Variants in SHISA9 observed in about 807,000 individuals in gnomAD.
SHISA9 encodes protein shisa-9.
SHISA9 carries 13 observed loss-of-function variants against 38.0 expected under a neutral mutation model. The observed-to-expected ratio is 0.34, with a 90% CI of 0.22 to 0.54. The LOEUF is 0.54. Ranked by LOEUF, SHISA9 falls within the 20% of genes least tolerant of loss-of-function variation. The probability of loss-of-function intolerance (pLI) is 0.91; values close to 1 mark genes in which losing one functional copy is unlikely to be tolerated. For missense variants in SHISA9, 538 were observed against 575.8 expected (o/e 0.93, Z 0.67); for synonymous variants, 275 against 242.0 (o/e 1.14, Z -1.27).
chr16:13,007,261 A>G (rs1229984927), intron 2 of SHISA9, among the ~76,000 whole-genome samples: 1 of 152,122 alleles, frequency 6.6e-6, no homozygotes, highest in East Asian at 1.9e-4. Flanking sequence ...CCTGTGTTAT[A>G]AGGCTCAGGA....
At chr16:13,493,823 A>G in the SHISA9 span, among the ~76,000 whole-genome samples, 22 of 152,320 alleles carry the variant, frequency 1.4e-4, no homozygotes, top group South Asian at 1.0e-3. Flanking sequence ...AGGGAAGAAG[A>G]CACAGAAGGT....
chr16:13,052,275 T>C (rs373515932), intron 2 of SHISA9, among the ~76,000 whole-genome samples: 154 of 152,256 alleles, frequency 1.0e-3, no homozygotes, highest in African/African-American at 3.3e-3. Flanking sequence ...AGAGACATTT[T>C]CCCCCCTCCT....
the SHISA9 span, among the ~76,000 whole-genome samples, chr16:13,466,102 C>A: frequency 6.6e-6 from 1 of 152,200 alleles, no homozygotes; most frequent in South Asian, 2.1e-4. Context: ...AAAATTTGTA[C>A]TTCCTGTTCC....
At chr16:13,104,631 T>G (rs1241170838) in intron 2 of SHISA9, among the ~76,000 whole-genome samples, 2 of 152,156 alleles carry the variant, frequency 1.3e-5, no homozygotes, top group Admixed American at 1.3e-4. Flanking sequence ...CCATTATGAA[T>G]TGTCCAGAAA....
In SHISA9 at chr16:12,908,621, G is replaced by A. The variant is rs770024109; in HGVS notation, c.563+5994G>A. 28 of 1,550,962 alleles carry A rather than the reference G, an allele frequency of 1.8e-5. No homozygotes were observed. In the East Asian group the frequency reaches 6.4e-4, roughly 35 times the overall value. Reference sequence around the variant, plus strand: ...GGCCGCTAGGCTGCACTGCGTTTGAGTGCAAACCTGCAGGAATTCCAGACT... The same window carrying A: ...GGCCGCTAGGCTGCACTGCGTTTGAATGCAAACCTGCAGGAATTCCAGACT... On this transcript the variant is annotated intron_variant, in intron 1 of 4. Transcript: ENST00000558583.
intron 2 of SHISA9, among the ~76,000 whole-genome samples, chr16:12,953,409 G>A (rs1567351050): frequency 6.6e-6 from 1 of 152,164 alleles, no homozygotes; most frequent in Non-Finnish European, 1.5e-5. Context: ...GAAAGATGAA[G>A]CTGTTGGCCA....
At chr16:13,521,257 T>G in the SHISA9 span, among the ~76,000 whole-genome samples, 10 of 152,230 alleles carry the variant, frequency 6.6e-5, no homozygotes, top group Non-Finnish European at 1.5e-4. Flanking sequence ...TCTTCTTCCC[T>G]GCTCACCATG....
chr16:13,058,722 A>C (rs58307394), intron 2 of SHISA9, among the ~76,000 whole-genome samples: 23,341 of 151,882 alleles, frequency 0.15, 2,977 homozygotes, highest in African/African-American at 0.35. Context: ...CATGATGGCT[A>C]CATGTCATTG....
the SHISA9 span, among the ~76,000 whole-genome samples, chr16:13,387,428 C>T: frequency 4.6e-5 from 7 of 151,642 alleles, no homozygotes; most frequent in South Asian, 4.2e-4. Context: ...TGCTGCAAGC[C>T]GAGTGATGCC....
chr16:13,032,071 T>C (rs2072997138), intron 2 of SHISA9, among the ~76,000 whole-genome samples: 1 of 152,080 alleles, frequency 6.6e-6, no homozygotes, highest in Non-Finnish European at 1.5e-5. Context: ...GTTTGTTACA[T>C]AGGTATACGT....
At chr16:13,391,041 A>C in the SHISA9 span, among the ~76,000 whole-genome samples, 1 of 152,202 alleles carries the variant, frequency 6.6e-6, no homozygotes, top group African/African-American at 2.4e-5. Context: ...GAGAGAGAAC[A>C]GGAGTGGAGA....
Position 13,204,382 on chromosome 16 carries a change from G to A in SHISA9, c.847+833G>A, listed in dbSNP as rs567212632. The stretch of plus-strand genomic sequence containing the variant: ...GTGGCTGGGCGAGGGGCACATGTGC[G>A]GTGAGGGCTATTTCCTGGGGAGAAG... On this transcript the variant is annotated intron_variant, in intron 3 of 4. Coordinates refer to ENST00000558583, the MANE Select transcript of SHISA9 (RefSeq NM_001145204.3). Among the ~76,000 whole-genome samples, 24 of 152,228 alleles carry A rather than the reference G, an allele frequency of 1.6e-4. No homozygotes were observed. The South Asian group carries it at 2.1e-3, about 13-fold the overall frequency.
At chr16:13,099,303 T>A (rs767362817) in intron 2 of SHISA9, among the ~76,000 whole-genome samples, 3 of 149,638 alleles carry the variant, frequency 2.0e-5, no homozygotes, top group Non-Finnish European at 4.4e-5. Flanking sequence ...CACACACACA[T>A]CTCTGATGGG....
chr16:13,453,933 C>A, the SHISA9 span, among the ~76,000 whole-genome samples: 2 of 152,138 alleles, frequency 1.3e-5, no homozygotes, highest in Non-Finnish European at 2.9e-5. Context: ...TGTTATAATA[C>A]CCTCATCTCA....
At chr16:13,523,710 G>C in the SHISA9 span, among the ~76,000 whole-genome samples, 2 of 152,178 alleles carry the variant, frequency 1.3e-5, no homozygotes, top group African/African-American at 4.8e-5. Context: ...ATAGTGCTAA[G>C]CCATTTATGA....
At chr16:13,268,431 C>T in the SHISA9 span, among the ~76,000 whole-genome samples, 1 of 152,150 alleles carries the variant, frequency 6.6e-6, no homozygotes, top group Admixed American at 6.6e-5. Context: ...ATCGCTTGAA[C>T]CTGGGAGGCA....
At chr16:12,910,929 A>G (rs2071175033) in intron 1 of SHISA9, 2 of 181,644 alleles carry the variant, frequency 1.1e-5, no homozygotes, top group South Asian at 3.7e-4. Context: ...GCTCACTCAC[A>G]TTAGAAGGGC....
chr16:13,321,876 CTG>C, the SHISA9 span, among the ~76,000 whole-genome samples: 114 of 152,268 alleles, frequency 7.5e-4, 2 homozygotes, highest in African/African-American at 2.6e-3. Flanking sequence ...AATTCACTAA[CTG>C]TGAAATGGGG....
the SHISA9 span, among the ~76,000 whole-genome samples, chr16:13,496,293 C>T: frequency 6.6e-6 from 1 of 151,936 alleles, no homozygotes; most frequent in African/African-American, 2.4e-5. Context: ...GCATCTCTAC[C>T]AAATTTCCAA....
Sources: allele counts gnomAD v4.1 joint callset (sites outside exome capture counted in the v4.1 genomes callset), GRCh38; gene constraint gnomAD v4.1.1; transcripts MANE v1.5; gene names NCBI Gene and HGNC (gene_info 2026-07-23, HGNC 2026-07-21).